The following RTN4 variants were observed in gnomAD, a reference collection of about 807,000 sequenced individuals.
RTN4 encodes reticulon-4.
RTN4 carries 32 observed loss-of-function variants against 90.4 expected under a neutral mutation model. The ratio of observed to expected loss-of-function variants is 0.35; its 90% CI spans 0.27 to 0.48. RTN4 has a LOEUF of 0.48. Ranked by LOEUF, RTN4 falls within the 20% of genes least tolerant of loss-of-function variation. The pLI is 0.99. For missense variants in RTN4, 1,706 were observed against 1,430.2 expected (o/e 1.19, Z -3.11); for synonymous variants, 629 against 552.5 (o/e 1.14, Z -1.94).
rs182345891 is a variant in RTN4, at chr2:55,036,471, G to A, written c.557-8251C>T. Among the ~76,000 whole-genome samples, 632 of 151,618 alleles carry A rather than the reference G, an allele frequency of 4.2e-3. 6 individuals carry two copies. Among genetic ancestry groups the A allele is most frequent in the Non-Finnish European group, 7.2e-3 (491 of 67,836 alleles). ...ACAAAAATCACCCAGGTGTGGTGGC[G>A]TGCACCTGTAGTCCCAGCTACTCAG... On this transcript the variant is annotated intron_variant, in intron 1 of 8. Transcript: ENST00000337526.
At chr2:54,996,838 T>G (rs1391265915) in intron 3 of RTN4, among the ~76,000 whole-genome samples, 1 of 152,158 alleles carries the variant, frequency 6.6e-6, no homozygotes, top group East Asian at 1.9e-4. Flanking sequence ...GCAGGCAGCC[T>G]CAGCTTCCTG....
At chr2:55,046,235 A>G (rs1667714033) in intron 1 of RTN4, among the ~76,000 whole-genome samples, 1 of 152,240 alleles carries the variant, frequency 6.6e-6, no homozygotes, top group Non-Finnish European at 1.5e-5. Flanking sequence ...TGAATCTTCC[A>G]AACTTATTTT....
chr2:55,031,983 A>G (rs1383986719), intron 1 of RTN4, among the ~76,000 whole-genome samples: 1 of 152,254 alleles, frequency 6.6e-6, no homozygotes, highest in Non-Finnish European at 1.5e-5. Flanking sequence ...GACATGCAGT[A>G]TAAAATAAAT....
intron 3 of RTN4, among the ~76,000 whole-genome samples, chr2:54,989,692 A>C (rs1678853800): frequency 6.6e-6 from 1 of 152,222 alleles, no homozygotes; most frequent in Middle Eastern, 3.2e-3. Flanking sequence ...TATAAAAGCA[A>C]GTCAATGAAG....
intron 2 of RTN4, among the ~76,000 whole-genome samples, chr2:55,074,870 T>C (rs1486139185): frequency 6.6e-6 from 1 of 152,172 alleles, no homozygotes; most frequent in Admixed American, 6.5e-5. Flanking sequence ...ATTTCACAAA[T>C]CCAGCATCCC....
intron 3 of RTN4, among the ~76,000 whole-genome samples, chr2:54,995,603 C>G (rs932460959): frequency 1.3e-5 from 2 of 152,076 alleles, no homozygotes; most frequent in African/African-American, 4.8e-5. Context: ...ATTTTCTAAG[C>G]TGCTTATTCC....
At position 55,026,529 on chromosome 2, in the gene RTN4, C is replaced by A; in HGVS notation, c.1570G>T (p.Asp524Tyr). ...GTTGTGACATAATCTGTCTCAGAAT[C>A]CTGTGCTGCTACAAGAAAAGGGTTT... ...TSNPFLVAAQ[D>Y]SETDYVTTDN... The change falls in exon 3 of 9, where the codon GAT becomes TAT. Residue 524 changes from aspartate (D) to tyrosine (Y), a missense_variant. Physicochemically the swap from Asp to Tyr is radical, Grantham distance 160. Transcript: ENST00000337526. 1 of 1,613,880 alleles carries A rather than the reference C, an allele frequency of 6.2e-7. No homozygotes were observed.
At chr2:55,070,262 C>A (rs1668483143) in intron 2 of RTN4, among the ~76,000 whole-genome samples, 1 of 151,544 alleles carries the variant, frequency 6.6e-6, no homozygotes, top group Non-Finnish European at 1.5e-5. Context: ...ATCCTCCCCA[C>A]CCCCCCAAAC....
chr2:55,100,828 T>G (rs1667840220), intron 1 of RTN4, among the ~76,000 whole-genome samples: 1 of 152,068 alleles, frequency 6.6e-6, no homozygotes, highest in African/African-American at 2.4e-5. Flanking sequence ...AAAAATTTAC[T>G]TGCTTGTTTT....
chr2:55,050,335 C>A lies in RTN4; in HGVS notation c.-35G>T. On this transcript the variant is annotated 5_prime_UTR_variant, in exon 1 of 9. Transcript: ENST00000337526. The surrounding 1 kb of genome is among the most constrained non-coding windows in gnomAD (Gnocchi z 4.6). The stretch of plus-strand genomic sequence containing the variant: ...GTGGAGATGATGCTGCAGCTGCTGC[C>A]GCCGCCGCCGGGGCCGCGTCTCAGA... The A allele has an allele frequency of 3.9e-6, 5 of 1,298,294 alleles. No homozygotes were observed. Among genetic ancestry groups the A allele is most frequent in the Non-Finnish European group, 4.0e-6 (4 of 1,002,608 alleles). 80.4% of individuals were successfully genotyped at this position (1,298,294 alleles called of 1,614,324 possible). A position where few individuals can be genotyped will look rare whatever the true frequency, so the allele number is the denominator to read the frequency against.
upstream of RTN4, among the ~76,000 whole-genome samples, chr2:55,113,753 A>AC (rs1339501607): frequency 6.6e-6 from 1 of 152,114 alleles, no homozygotes; most frequent in Admixed American, 6.5e-5. Flanking sequence ...GGGAGAGGTG[A>AC]CCCCCAGTCC....
the RTN4 span, among the ~76,000 whole-genome samples, chr2:55,119,286 C>T: frequency 3.3e-5 from 5 of 152,278 alleles, no homozygotes; most frequent in Admixed American, 6.5e-5. Flanking sequence ...GTTTTGTTTT[C>T]TACACTGGGA....
chr2:55,068,108 TG>T, intron 2 of RTN4, among the ~76,000 whole-genome samples: 1 of 152,336 alleles, frequency 6.6e-6, no homozygotes, highest in African/African-American at 2.4e-5. Context: ...TGGTTGGAAA[TG>T]GGAAGAATAT....
In RTN4 at chr2:55,046,094, GTAAACAGCAATGT is replaced by G. The variant is rs148359692; in HGVS notation, c.556+3638_556+3650del. Among the ~76,000 whole-genome samples, 276 of 152,154 alleles carry G rather than the reference GTAAACAGCAATGT, an allele frequency of 1.8e-3. 7 individuals are homozygous for G. In the East Asian group the frequency reaches 0.05, roughly 28 times the overall value. ...AAATCAGGGCTTACTCATAAATAAC[GTAAACAGCAATGT>G]TAAACAGACAAGTGTCAGTGATCTA... is the stretch of plus-strand genomic sequence containing the variant. On this transcript the variant is annotated intron_variant, in intron 1 of 8. Transcript: ENST00000337526.
chr2:55,085,078 C>G (rs1445376088), intron 1 of RTN4, among the ~76,000 whole-genome samples: 1 of 152,162 alleles, frequency 6.6e-6, no homozygotes, highest in Non-Finnish European at 1.5e-5. Flanking sequence ...GCATGAGCCA[C>G]TGCACCTAGC....
At chr2:55,017,302 G>A (rs35631428) in intron 3 of RTN4, among the ~76,000 whole-genome samples, 90,994 of 151,880 alleles carry the variant, frequency 0.6, 27,302 homozygotes, top group South Asian at 0.73. Flanking sequence ...ATTTTAAGTC[G>A]TAAGAATATC....
At chr2:55,126,653 C>T in the RTN4 span, among the ~76,000 whole-genome samples, 1 of 152,168 alleles carries the variant, frequency 6.6e-6, no homozygotes, top group South Asian at 2.1e-4. Flanking sequence ...AACTACCATT[C>T]GACCCAGCAA....
At position 55,093,985 on chromosome 2, in the gene RTN4, G is replaced by A. The variant is rs139733347; in HGVS notation, c.-213-13346C>T. ...CATGAAAGAGTCACAATTTTCTTACGATCACTAATATCCTACACTAATGTA... is the reference window on the plus strand; with the variant it reads ...CATGAAAGAGTCACAATTTTCTTACAATCACTAATATCCTACACTAATGTA... On this transcript the variant is annotated intron_variant, in intron 1 of 3. Coordinates refer to the RTN4 transcript ENST00000427710. 1.3e-3 allele frequency among the ~76,000 whole-genome samples: 204 copies of A among 152,270 alleles called. 1 individual carries two copies. Among genetic ancestry groups the A allele is most frequent in the African/African-American group, 4.6e-3 (191 of 41,552 alleles).
At chr2:54,989,560 G>A (rs574388156) in intron 3 of RTN4, among the ~76,000 whole-genome samples, 1 of 152,248 alleles carries the variant, frequency 6.6e-6, no homozygotes, top group Non-Finnish European at 1.5e-5. Context: ...ATAGGTTTCT[G>A]GCAATCAGCA....
Sources: gnomAD v4.1 joint callset for allele counts (sites outside exome capture counted in the v4.1 genomes callset) on GRCh38, gnomAD v4.1.1 for gene constraint, Gnocchi (gnomAD v3.1) non-coding constraint, MANE v1.5 for transcripts, NCBI Gene and HGNC (gene_info 2026-07-23, HGNC 2026-07-21) for gene names.